Variants in SLC4A4 observed in about 807,000 individuals in gnomAD.
The protein encoded by SLC4A4 is solute carrier family 4 member 4.
Under a neutral mutation model 111.5 loss-of-function variants are expected in SLC4A4, and 27 were observed. The ratio of observed to expected loss-of-function variants is 0.24; its 90% CI spans 0.18 to 0.33. SLC4A4 has a LOEUF of 0.33. Ranked by LOEUF, SLC4A4 falls within the 10% of genes least tolerant of loss-of-function variation. The pLI is 1.00. For missense variants in SLC4A4, 909 were observed against 1,315.5 expected (o/e 0.69, Z 4.78); for synonymous variants, 443 against 463.4 (o/e 0.96, Z 0.57).
chr4:71,508,171 A>G (rs1265344566), intron 16 of SLC4A4, among the ~76,000 whole-genome samples: 2 of 152,152 alleles, frequency 1.3e-5, no homozygotes, highest in African/African-American at 4.8e-5. Context: ...ATCACAGCTA[A>G]AAGAACTGGA....
intron 23 of SLC4A4, among the ~76,000 whole-genome samples, 194 bp from the exon 24 acceptor site, chr4:71,563,599 C>T (rs972825140): frequency 6.6e-6 from 1 of 151,698 alleles, no homozygotes; most frequent in African/African-American, 2.4e-5. Flanking sequence ...ATACCATTAA[C>T]TTAGAAGAGT....
intron 6 of SLC4A4, among the ~76,000 whole-genome samples, chr4:71,393,682 A>T: frequency 6.6e-6 from 1 of 152,114 alleles, no homozygotes. Flanking sequence ...TTCATATGGG[A>T]CCAAAAAAAA....
At chr4:71,136,538 C>G (rs1743847942) in intron 2 of SLC4A4, among the ~76,000 whole-genome samples, 2 of 152,050 alleles carry the variant, frequency 1.3e-5, no homozygotes, top group Non-Finnish European at 2.9e-5. Context: ...TGTGAGATTC[C>G]AAAAAGGACT....
At chr4:71,346,929 A>G (rs961109750) in intron 4 of SLC4A4, among the ~76,000 whole-genome samples, 16 of 152,168 alleles carry the variant, frequency 1.1e-4, no homozygotes, top group Non-Finnish European at 1.6e-4. Flanking sequence ...AAAATATTCA[A>G]TATTTACTGA....
chr4:71,265,034 C>T (rs1374463154), intron 3 of SLC4A4, among the ~76,000 whole-genome samples: 5 of 152,100 alleles, frequency 3.3e-5, no homozygotes, highest in African/African-American at 4.8e-5. Context: ...TTTTGCTCTT[C>T]GTGAAACTGA....
intron 2 of SLC4A4, among the ~76,000 whole-genome samples, chr4:71,095,545 A>G (rs1236043348): frequency 2.6e-5 from 4 of 152,198 alleles, no homozygotes. Flanking sequence ...CATTTGCTCA[A>G]CTGCGCATTG....
rs550166277 is a variant in SLC4A4 at position 71,089,342 on chromosome 4, A to C, written c.-64-3388A>C. Among the ~76,000 whole-genome samples the C allele has an allele frequency of 2.6e-5, 4 of 151,690 alleles. No individual in the cohort carries two copies. The East Asian group carries it at 7.8e-4, about 29-fold the overall frequency. On this transcript the variant is annotated intron_variant, in intron 1 of 26. Coordinates refer to the SLC4A4 transcript ENST00000649996. Reference sequence around the variant, plus strand: ...TTTAACTTCTTTGCCATGGGTTCGAACTTCCTCCTTTAGCTTGGTGTAGTT... The same window carrying C: ...TTTAACTTCTTTGCCATGGGTTCGACCTTCCTCCTTTAGCTTGGTGTAGTT...
chr4:71,360,081 T>C (rs1730635201), intron 6 of SLC4A4, among the ~76,000 whole-genome samples: 1 of 152,188 alleles, frequency 6.6e-6, no homozygotes, highest in Non-Finnish European at 1.5e-5. Context: ...AACATACAAT[T>C]TAATAATTAT....
chr4:71,255,508 G>A, intron 3 of SLC4A4, 109 bp downstream of exon 3: 1 of 1,117,510 alleles, frequency 8.9e-7, no homozygotes, highest in Non-Finnish European at 1.4e-6. Context: ...GTAATACTGA[G>A]ATGTTTAGAA....
At chr4:71,564,464 A>G (rs1737287248) in intron 24 of SLC4A4, among the ~76,000 whole-genome samples, 2 of 151,934 alleles carry the variant, frequency 1.3e-5, no homozygotes, top group South Asian at 4.1e-4. Context: ...AATTATTATT[A>G]TAACTGCACT....
chr4:71,485,071 A>T (rs965447774), intron 14 of SLC4A4, among the ~76,000 whole-genome samples: 18 of 151,870 alleles, frequency 1.2e-4, no homozygotes, highest in Non-Finnish European at 8.8e-5. Flanking sequence ...ATGCAGGATC[A>T]TGTTGTCTGC....
intron 1 of SLC4A4, among the ~76,000 whole-genome samples, chr4:71,067,906 C>A (rs1741565200): frequency 6.6e-6 from 1 of 151,826 alleles, no homozygotes; most frequent in African/African-American, 2.4e-5. Flanking sequence ...AGACAACACA[C>A]CTGGCTAATT....
At chr4:71,100,593 C>T (rs953335803) in intron 2 of SLC4A4, among the ~76,000 whole-genome samples, 32 of 152,176 alleles carry the variant, frequency 2.1e-4, no homozygotes, top group African/African-American at 7.7e-4. Flanking sequence ...TAAGGTCTGC[C>T]CAGAGCAGTC....
chr4:71,389,810 A>C lies in SLC4A4; in HGVS notation c.731-7767A>C, dbSNP rs73828135. On this transcript the variant is annotated intron_variant, in intron 6 of 25. Coordinates refer to ENST00000264485, the MANE Select transcript of SLC4A4 (RefSeq NM_001098484.3). Reference sequence around the variant, plus strand: ...GCCACTAATGCCAAGGTCTGAGGCTATAACTACAATCAAGACAAACCAAGG... The same window carrying C: ...GCCACTAATGCCAAGGTCTGAGGCTCTAACTACAATCAAGACAAACCAAGG... Among the ~76,000 whole-genome samples, 314 of 152,318 alleles carry C rather than the reference A, an allele frequency of 2.1e-3. 2 individuals are homozygous for C. The highest frequency in any genetic ancestry group is 7.1e-3 in the African/African-American group (295 of 41,568).
intron 22 of SLC4A4, 60 bp downstream of exon 22, chr4:71,557,945 T>C: frequency 6.9e-7 from 1 of 1,445,508 alleles, no homozygotes. Flanking sequence ...GTGGTTATTG[T>C]TATATGGAAG....
At chr4:71,547,799 T>G (rs1735664618) in intron 20 of SLC4A4, 79 bp downstream of exon 20, 1 of 1,224,056 alleles carries the variant, frequency 8.2e-7, no homozygotes, top group Admixed American at 1.7e-5. Flanking sequence ...AAATTCCTCA[T>G]GAGATATTTG....
chr4:71,247,092 A>G (rs1454043445), intron 2 of SLC4A4, among the ~76,000 whole-genome samples: 1 of 151,962 alleles, frequency 6.6e-6, no homozygotes, highest in Admixed American at 6.6e-5. Context: ...GGTAATTGTT[A>G]TAGCCCTATG....
chr4:71,234,663 G>A (rs1199897401), intron 1 of SLC4A4, among the ~76,000 whole-genome samples: 3 of 152,056 alleles, frequency 2.0e-5, no homozygotes, highest in Admixed American at 6.5e-5. Flanking sequence ...GACCTCAAGT[G>A]ATCTGCCTGC....
Position 71,217,393 on chromosome 4 carries a change from C to T in SLC4A4, c.-1-19183C>T, listed in dbSNP as rs189315489. 7.9e-5 allele frequency among the ~76,000 whole-genome samples: 12 copies of T among 151,918 alleles called. 1 individual carries two copies. In the South Asian group the frequency reaches 1.0e-3, roughly 13 times the overall value. The stretch of plus-strand genomic sequence containing the variant: ...CAGCGTGGCCAACATGGTGAAACCC[C>T]GTTTCTACAAATACAAAATATTAGC... On this transcript the variant is annotated intron_variant, in intron 1 of 25. Transcript: ENST00000264485.
Sources: gnomAD v4.1 joint callset for allele counts (sites outside exome capture counted in the v4.1 genomes callset) on GRCh38, gnomAD v4.1.1 for gene constraint, MANE v1.5 for transcripts, NCBI Gene and HGNC (gene_info 2026-07-23, HGNC 2026-07-21) for gene names.